GLIS3: variants seen among roughly 807,000 people sequenced by gnomAD.
GLIS3 encodes the protein GLIS family zinc finger 3, also known as zinc finger protein GLIS3.
Under a neutral mutation model 78.6 loss-of-function variants are expected in GLIS3, and 53 were observed. The ratio of observed to expected loss-of-function variants is 0.67; its 90% CI spans 0.54 to 0.85. The LOEUF is 0.85. Among genes scored for constraint, GLIS3 ranks in the 40% least tolerant of loss-of-function variants. GLIS3 has a pLI of 0.00. For missense variants in GLIS3, 1,703 were observed against 1,231.1 expected, an observed-to-expected ratio of 1.38 and a Z score of -5.74; for synonymous variants, 684 against 509.9, an observed-to-expected ratio of 1.34 and a Z score of -4.60.
chr9:4,386,855 T>A, the GLIS3 span, among the ~76,000 whole-genome samples: 1 of 152,196 alleles, frequency 6.6e-6, no homozygotes, highest in Non-Finnish European at 1.5e-5. Flanking sequence ...CACTGAGAGA[T>A]GTGATCCCCA....
chr9:4,161,864 C>G (rs1465957215), intron 2 of GLIS3, among the ~76,000 whole-genome samples: 1 of 126,754 alleles, frequency 7.9e-6, no homozygotes, highest in Non-Finnish European at 1.7e-5. Flanking sequence ...TTTTTTTTTT[C>G]AGTAGAGATG....
chr9:4,041,283 C>G (rs919725133), intron 4 of GLIS3, among the ~76,000 whole-genome samples: 4 of 152,158 alleles, frequency 2.6e-5, no homozygotes, highest in African/African-American at 9.7e-5. Flanking sequence ...CCTCTATTTC[C>G]CTCTACCAAC....
At chr9:4,323,389 G>C (rs751563622) in intron 2 of GLIS3, among the ~76,000 whole-genome samples, 5 of 151,852 alleles carry the variant, frequency 3.3e-5, no homozygotes, top group Non-Finnish European at 7.4e-5. Flanking sequence ...GTTATGCTGT[G>C]TATAGTCTCT....
chr9:4,358,957 C>G, the GLIS3 span, among the ~76,000 whole-genome samples: 2 of 152,144 alleles, frequency 1.3e-5, no homozygotes, highest in Non-Finnish European at 2.9e-5. Flanking sequence ...TGGCTGGGTT[C>G]CTAATCCCTT....
At chr9:4,471,160 T>C in the GLIS3 span, among the ~76,000 whole-genome samples, 3 of 152,128 alleles carry the variant, frequency 2.0e-5, no homozygotes, top group Non-Finnish European at 4.4e-5. Flanking sequence ...GAATCAATAT[T>C]GTGAAAATGG....
chr9:4,322,591 A>C (rs1195377237), intron 2 of GLIS3, among the ~76,000 whole-genome samples: 1 of 152,136 alleles, frequency 6.6e-6, no homozygotes, highest in East Asian at 1.9e-4. Context: ...TGACTTTTTA[A>C]TGATTGCCAT....
At chr9:4,161,913 T>G (rs1322508638) in intron 2 of GLIS3, among the ~76,000 whole-genome samples, 1 of 151,916 alleles carries the variant, frequency 6.6e-6, no homozygotes, top group South Asian at 2.1e-4. Flanking sequence ...CTCAAACTAC[T>G]GACCTCAAGT....
In GLIS3 at chr9:4,319,835, G is replaced by A. The variant is rs186155092; in HGVS notation, n.265-9307C>T. On this transcript the variant is annotated intron_variant and non_coding_transcript_variant, in intron 2 of 4. Coordinates refer to the GLIS3 transcript ENST00000471664. The stretch of plus-strand genomic sequence containing the variant: ...ATCACAAAATTTCTACCCCAATAAC[G>A]TTATTGAAATATACTTGATCAGTAA... 8.5e-5 allele frequency among the ~76,000 whole-genome samples: 13 copies of A among 152,190 alleles called. No individual in the cohort carries two copies. The East Asian group carries it at 1.7e-3, about 20-fold the overall frequency.
At chr9:3,936,944 A>AACACTTC in intron 5 of GLIS3, 84 bp downstream of exon 5, 1 of 1,580,128 alleles carries the variant, frequency 6.3e-7, no homozygotes, top group Non-Finnish European at 8.7e-7. Context: ...CCATAAAGCA[A>AACACTTC]ACACTTCACC....
chr9:4,076,739 A>G (rs2130670595), intron 4 of GLIS3, among the ~76,000 whole-genome samples: 1 of 152,286 alleles, frequency 6.6e-6, no homozygotes, highest in South Asian at 2.1e-4. Flanking sequence ...TCCTAAAAAT[A>G]TAATGTGACT....
At chr9:4,191,120 A>G (rs923214911) in intron 2 of GLIS3, among the ~76,000 whole-genome samples, 18 of 151,244 alleles carry the variant, frequency 1.2e-4, no homozygotes, top group African/African-American at 4.4e-4. Context: ...AAGAAACTGC[A>G]TCAACTAACG....
intron 2 of GLIS3, among the ~76,000 whole-genome samples, chr9:4,217,041 G>C (rs959029043): frequency 2.0e-5 from 3 of 152,190 alleles, no homozygotes. Flanking sequence ...AAATCCAAGA[G>C]TCATGGTTCC....
At chr9:4,329,820 G>A (rs917741041) in intron 2 of GLIS3, among the ~76,000 whole-genome samples, 1 of 152,134 alleles carries the variant, frequency 6.6e-6, no homozygotes, top group African/African-American at 2.4e-5. Context: ...AAGTGATGAG[G>A]CCTACTTCTG....
chr9:4,488,331 A>C, the GLIS3 span, among the ~76,000 whole-genome samples: 5 of 152,264 alleles, frequency 3.3e-5, no homozygotes, highest in East Asian at 7.7e-4. Flanking sequence ...TATATTTATA[A>C]ATATAGATTT....
intron 4 of GLIS3, among the ~76,000 whole-genome samples, chr9:4,022,840 A>G (rs1405626204): frequency 6.6e-6 from 1 of 152,208 alleles, no homozygotes; most frequent in Non-Finnish European, 1.5e-5. Flanking sequence ...ACTATATGAT[A>G]CCATTTATTC....
chr9:4,074,323 T>C (rs1171935525), intron 4 of GLIS3, among the ~76,000 whole-genome samples: 2 of 152,218 alleles, frequency 1.3e-5, no homozygotes, highest in Non-Finnish European at 2.9e-5. Context: ...AGAGAAATTC[T>C]AGAAATTTAG....
At chr9:4,364,710 T>TTATA in the GLIS3 span, among the ~76,000 whole-genome samples, 3,102 of 134,296 alleles carry the variant, frequency 0.023, 53 homozygotes, top group Non-Finnish European at 0.025. Flanking sequence ...TTATTACACT[T>TTATA]TATATATATA....
Position 3,937,692 on chromosome 9 carries a change from T to C in GLIS3, c.1711-503A>G, listed in dbSNP as rs1221843782. On this transcript the variant is annotated intron_variant, in intron 4 of 10. Coordinates refer to ENST00000381971, the MANE Select transcript of GLIS3 (RefSeq NM_001042413.2). The stretch of plus-strand genomic sequence containing the variant: ...AAAAGACATGTGTCCACTAGATCAA[T>C]ATGATCATAAATTTCCTTAACTATA... Among the ~76,000 whole-genome samples the C allele has an allele frequency of 2.0e-5, 3 of 152,172 alleles. No homozygotes were observed. In the East Asian group the frequency reaches 5.8e-4, roughly 29 times the overall value.
the GLIS3 span, among the ~76,000 whole-genome samples, chr9:4,443,703 C>A: frequency 2.0e-5 from 3 of 152,178 alleles, no homozygotes; most frequent in Non-Finnish European, 4.4e-5. Context: ...CAAGAAGTGG[C>A]TGTGGGGAAC....
Sources: allele counts gnomAD v4.1 joint callset (sites outside exome capture counted in the v4.1 genomes callset), GRCh38; gene constraint gnomAD v4.1.1; transcripts MANE v1.5; gene names NCBI Gene and HGNC (gene_info 2026-07-23, HGNC 2026-07-21).